SNCAIP: variants seen among roughly 807,000 people sequenced by gnomAD.
SNCAIP encodes the protein synphilin-1.
In SNCAIP, 43 loss-of-function variants were observed where a neutral mutation model predicts 86.7. The ratio of observed to expected loss-of-function variants is 0.50; its 90% confidence interval spans 0.39 to 0.64. The LOEUF is 0.64. Among genes scored for constraint, SNCAIP ranks in the 30% least tolerant of loss-of-function variants. SNCAIP has a pLI of 0.00. For synonymous variants in SNCAIP, 417 were observed against 427.2 expected, an observed-to-expected ratio of 0.98 and a Z score of 0.29; for missense variants, 981 against 1,103.1, an observed-to-expected ratio of 0.89 and a Z score of 1.57.
rs187700746 is a variant in SNCAIP, at chr5:122,344,814, T to G, written c.-47+32530T>G. On this transcript the variant is annotated intron_variant, in intron 1 of 10. Coordinates refer to ENST00000261368, the MANE Select transcript of SNCAIP (RefSeq NM_005460.4). The stretch of plus-strand genomic sequence containing the variant: ...CAAATCTTTCTTGATTTATACTTAT[T>G]TTTTCAGCTCCCCAAATTTAACCAG... Among the ~76,000 whole-genome samples, 304 of 152,334 alleles carry G rather than the reference T, an allele frequency of 2.0e-3. 3 individuals are homozygous for G. The highest frequency in any genetic ancestry group is 7.1e-3 in the African/African-American group (295 of 41,578).
chr5:122,429,488 C>T (rs892530701), intron 5 of SNCAIP, among the ~76,000 whole-genome samples: 3 of 149,444 alleles, frequency 2.0e-5, no homozygotes, highest in African/African-American at 7.3e-5. Flanking sequence ...ACCTACATTA[C>T]TAAAATCAGA....
At chr5:122,322,300 T>C (rs1753105249) in intron 1 of SNCAIP, among the ~76,000 whole-genome samples, 1 of 152,240 alleles carries the variant, frequency 6.6e-6, no homozygotes, top group African/African-American at 2.4e-5. Flanking sequence ...AAGTGTCACT[T>C]CAAATAATTC....
intron 6 of SNCAIP, among the ~76,000 whole-genome samples, chr5:122,439,215 C>G (rs1780225258): frequency 6.6e-6 from 1 of 152,228 alleles, no homozygotes; most frequent in Non-Finnish European, 1.5e-5. Context: ...GAGGACTAAG[C>G]ATAGCAGCAT....
intron 2 of SNCAIP, among the ~76,000 whole-genome samples, chr5:122,398,552 T>G (rs1771107201): frequency 6.6e-6 from 1 of 152,196 alleles, no homozygotes; most frequent in Non-Finnish European, 1.5e-5. Context: ...GTTTTTATTG[T>G]GTGCCTGTTG....
chr5:122,325,044 C>T (rs1444863885), intron 1 of SNCAIP, among the ~76,000 whole-genome samples: 2 of 152,136 alleles, frequency 1.3e-5, no homozygotes, highest in African/African-American at 2.4e-5. Context: ...TTTGGAACAG[C>T]GTATTGAACC....
intron 1 of SNCAIP, among the ~76,000 whole-genome samples, chr5:122,360,196 C>T (rs139387331): frequency 2.6e-5 from 4 of 152,230 alleles, no homozygotes; most frequent in African/African-American, 4.8e-5. Context: ...CTAAACGTTT[C>T]GGAACATGGC....
At chr5:122,373,015 A>C (rs913333032) in intron 1 of SNCAIP, among the ~76,000 whole-genome samples, 1 of 152,076 alleles carries the variant, frequency 6.6e-6, no homozygotes, top group Non-Finnish European at 1.5e-5. Flanking sequence ...TTAATTTGTC[A>C]TTTTGTTATT....
chr5:122,362,993 A>ATTTTTT (rs769726232), intron 1 of SNCAIP, among the ~76,000 whole-genome samples: 1 of 113,936 alleles, frequency 8.8e-6, no homozygotes, highest in Non-Finnish European at 1.9e-5. Context: ...CATAAATTCT[A>ATTTTTT]TTTTTTTTTT....
chr5:122,323,140 C>T (rs1217329944), intron 1 of SNCAIP, among the ~76,000 whole-genome samples: 4 of 152,120 alleles, frequency 2.6e-5, no homozygotes, highest in African/African-American at 7.2e-5. Flanking sequence ...CCCATGAACT[C>T]GGGCAACAGC....
At chr5:122,427,350 A>G (rs1403253148) in intron 5 of SNCAIP, among the ~76,000 whole-genome samples, 3 of 150,810 alleles carry the variant, frequency 2.0e-5, no homozygotes, top group African/African-American at 4.9e-5. Context: ...CCATCATACC[A>G]TCAGTGTGCA....
At chr5:122,394,677 G>A (rs1189010777) in intron 2 of SNCAIP, among the ~76,000 whole-genome samples, 1 of 152,138 alleles carries the variant, frequency 6.6e-6, no homozygotes, top group African/African-American at 2.4e-5. Flanking sequence ...TTGGAGCTAT[G>A]GTGTATTTAT....
At chr5:122,367,467 T>A (rs1763411335) in intron 1 of SNCAIP, among the ~76,000 whole-genome samples, 1 of 151,998 alleles carries the variant, frequency 6.6e-6, no homozygotes, top group Non-Finnish European at 1.5e-5. Context: ...AAATCCAAAG[T>A]TGGGATGGGT....
At chr5:122,365,778 ACT>A (rs1190988170) in intron 1 of SNCAIP, among the ~76,000 whole-genome samples, 2 of 152,180 alleles carry the variant, frequency 1.3e-5, no homozygotes, top group Non-Finnish European at 2.9e-5. Flanking sequence ...TCTATGCCAA[ACT>A]CTGTGCTGAG....
intron 3 of SNCAIP, among the ~76,000 whole-genome samples, chr5:122,405,583 C>A (rs1008652330): frequency 6.6e-6 from 1 of 152,304 alleles, no homozygotes; most frequent in South Asian, 2.1e-4. Flanking sequence ...AGCTGGGATT[C>A]AAACCCCAGG....
chr5:122,440,780 T>C, intron 7 of SNCAIP, 26 bp downstream of exon 7: 3 of 1,607,354 alleles, frequency 1.9e-6, no homozygotes, highest in Non-Finnish European at 2.6e-6. Context: ...TGTTTTGCAA[T>C]GAGAAATGAG....
At chr5:122,401,985 A>G (rs140252274) in intron 2 of SNCAIP, among the ~76,000 whole-genome samples, 3 of 152,270 alleles carry the variant, frequency 2.0e-5, no homozygotes, top group Middle Eastern at 3.4e-3. Flanking sequence ...AATCAGATAT[A>G]TATCATTAAG....
intron 1 of SNCAIP, among the ~76,000 whole-genome samples, chr5:122,388,027 G>A (rs1768574534): frequency 6.6e-6 from 1 of 152,094 alleles, no homozygotes; most frequent in Admixed American, 6.5e-5. Flanking sequence ...TTGAAGGGTC[G>A]AACACTCAAA....
At chr5:122,331,788 A>G (rs1755396610) in intron 1 of SNCAIP, among the ~76,000 whole-genome samples, 1 of 152,254 alleles carries the variant, frequency 6.6e-6, no homozygotes, top group African/African-American at 2.4e-5. Flanking sequence ...TTTTCATCAT[A>G]GCACTTACCC....
intron 1 of SNCAIP, among the ~76,000 whole-genome samples, chr5:122,360,274 A>T (rs995636500): frequency 6.6e-6 from 1 of 152,150 alleles, no homozygotes; most frequent in African/African-American, 2.4e-5. Flanking sequence ...AGTGCTTCAG[A>T]TGTCTATAGT....
Sources: allele counts gnomAD v4.1 joint callset (sites outside exome capture counted in the v4.1 genomes callset), GRCh38; gene constraint gnomAD v4.1.1; transcripts MANE v1.5; gene names NCBI Gene and HGNC (gene_info 2026-07-23, HGNC 2026-07-21).